Variants in RPTOR observed in about 807,000 individuals in gnomAD.
RPTOR encodes the protein regulatory associated protein of MTOR complex 1, also known as regulatory-associated protein of mTOR.
In RPTOR, 21 loss-of-function variants were observed where a neutral mutation model predicts 169.9. The observed-to-expected ratio is 0.12, with a 90% CI of 0.09 to 0.18. The LOEUF is 0.18. Ranked by LOEUF, RPTOR falls within the 10% of genes least tolerant of loss-of-function variation. RPTOR has a pLI of 1.00. For synonymous variants in RPTOR, 732 were observed against 753.2 expected, an observed-to-expected ratio of 0.97 and a Z score of 0.46; for missense variants, 1,133 against 1,855.9, an observed-to-expected ratio of 0.61 and a Z score of 7.16.
chr17:80,664,081 C>T (rs1461354546), intron 3 of RPTOR, among the ~76,000 whole-genome samples: 1 of 152,066 alleles, frequency 6.6e-6, no homozygotes, highest in East Asian at 1.9e-4. Context: ...TCCAGGGCTG[C>T]GTCTGGGAGG....
At position 80,545,773 on chromosome 17, in the gene RPTOR, C is replaced by T. The variant is rs1488798485; in HGVS notation, c.144C>T (p.Ser48=). Residue 48 remains serine, a synonymous_variant, in exon 1 of 34, where the codon AGC becomes AGT. Coordinates refer to ENST00000306801, the MANE Select transcript of RPTOR (RefSeq NM_020761.3). Reference sequence around the variant, plus strand: ...AAGGCTCCAAATCCTTAGCTCAGAGCTGGAGGATGAAGGATCGGGTAAGTG... The same window carrying T: ...AAGGCTCCAAATCCTTAGCTCAGAGTTGGAGGATGAAGGATCGGGTAAGTG... ...KIEGSKSLAQ[S]WRMKDRMKTV... 6.2e-7 allele frequency: 1 copy of T among 1,611,302 alleles called. No homozygotes were observed. Among genetic ancestry groups the T allele is most frequent in the Non-Finnish European group, 8.5e-7 (1 of 1,178,630 alleles).
rs941079086 is a variant in RPTOR at position 80,823,936 on chromosome 17, C to T, written c.1136+713C>T. ...TCATCAATGGGAGAAACCCTAACAA[C>T]ACAAATATTTTTAAAAGAGCGATTA... On this transcript the variant is annotated intron_variant, in intron 9 of 33. Transcript: ENST00000306801. This position sits in a 1 kb window ranked among gnomAD's most constrained non-coding sequence, Gnocchi z 4.5. Among the ~76,000 whole-genome samples, 1 of 152,178 alleles carries T rather than the reference C, an allele frequency of 6.6e-6. No individual in the cohort carries two copies. Among genetic ancestry groups the T allele is most frequent in the Non-Finnish European group, 1.5e-5 (1 of 68,026 alleles).
chr17:80,552,661 C>A (rs1433588281), intron 1 of RPTOR, among the ~76,000 whole-genome samples: 1 of 152,172 alleles, frequency 6.6e-6, no homozygotes, highest in Non-Finnish European at 1.5e-5. Context: ...CTTTAAGGCT[C>A]AACAGCACCA....
chr17:80,618,677 A>T (rs2065331917), intron 1 of RPTOR, among the ~76,000 whole-genome samples: 1 of 152,244 alleles, frequency 6.6e-6, no homozygotes, highest in South Asian at 2.1e-4. Flanking sequence ...AAAGAGTAGT[A>T]CTTAAATCTA....
At chr17:80,711,895 C>T (rs1014610354) in intron 4 of RPTOR, among the ~76,000 whole-genome samples, 2 of 151,938 alleles carry the variant, frequency 1.3e-5, no homozygotes, top group African/African-American at 2.4e-5. Flanking sequence ...AGGCGCCCGC[C>T]GCCACGCCCG....
At chr17:80,583,180 C>CTTTTTTTTTTT (rs1398903636) in intron 1 of RPTOR, among the ~76,000 whole-genome samples, 1 of 83,750 alleles carries the variant, frequency 1.2e-5, no homozygotes, top group Non-Finnish European at 2.4e-5. Flanking sequence ...TGCCTCTTTC[C>CTTTTTTTTTTT]TGTTTTTTTT....
At chr17:80,577,053 T>C (rs1226630087) in intron 1 of RPTOR, among the ~76,000 whole-genome samples, 1 of 147,300 alleles carries the variant, frequency 6.8e-6, no homozygotes, top group Admixed American at 6.8e-5. Context: ...TTTTTTGAGA[T>C]GAAGCTTCGC....
At chr17:80,847,057 C>T (rs546284973) in intron 11 of RPTOR, among the ~76,000 whole-genome samples, 2 of 152,360 alleles carry the variant, frequency 1.3e-5, no homozygotes, top group South Asian at 4.1e-4. Context: ...GGATACTGAC[C>T]GGCGAAGCGG....
chr17:80,950,308 C>T (rs1436048292), intron 28 of RPTOR, among the ~76,000 whole-genome samples: 3 of 152,198 alleles, frequency 2.0e-5, no homozygotes, highest in Non-Finnish European at 2.9e-5. Context: ...TCTGTGTCTT[C>T]GTCTGTGGCC....
chr17:80,815,620 A>G (rs1432463622), intron 7 of RPTOR, among the ~76,000 whole-genome samples: 1 of 152,262 alleles, frequency 6.6e-6, no homozygotes, highest in Non-Finnish European at 1.5e-5. Context: ...GAGCTGTGAG[A>G]TTGATTTATG....
intron 1 of RPTOR, among the ~76,000 whole-genome samples, chr17:80,612,690 A>T (rs768702557): frequency 3.3e-4 from 51 of 152,272 alleles, no homozygotes; most frequent in Non-Finnish European, 6.3e-4. Context: ...ACATAGCGAG[A>T]TCTTGTCTCT....
At chr17:80,598,819 A>G (rs1381073193) in intron 1 of RPTOR, among the ~76,000 whole-genome samples, 2 of 152,214 alleles carry the variant, frequency 1.3e-5, no homozygotes, top group African/African-American at 4.8e-5. Flanking sequence ...CAGCTTATAC[A>G]TTAACTGTTC....
chr17:80,751,953 C>T (rs1205732589), intron 5 of RPTOR, among the ~76,000 whole-genome samples: 1 of 152,218 alleles, frequency 6.6e-6, no homozygotes, highest in Non-Finnish European at 1.5e-5. Flanking sequence ...GCCCCTACAG[C>T]AGAATGCTTT....
intron 4 of RPTOR, among the ~76,000 whole-genome samples, chr17:80,714,920 G>T (rs1428430536): frequency 6.6e-6 from 1 of 151,978 alleles, no homozygotes; most frequent in Admixed American, 6.6e-5. Flanking sequence ...ATGGGGTTTC[G>T]CCATGTTGGC....
At chr17:80,809,507 A>G (rs573778068) in intron 7 of RPTOR, among the ~76,000 whole-genome samples, 136 of 152,320 alleles carry the variant, frequency 8.9e-4, no homozygotes, top group African/African-American at 3.1e-3. Flanking sequence ...CCGAAGTATA[A>G]CACAATATCA....
intron 9 of RPTOR, among the ~76,000 whole-genome samples, chr17:80,836,972 G>A (rs993181584): frequency 6.6e-6 from 1 of 152,168 alleles, no homozygotes; most frequent in African/African-American, 2.4e-5. Context: ...GTGAGCAGGT[G>A]GCATTGGGCG....
chr17:80,743,887 G>A (rs1241583541), intron 5 of RPTOR, among the ~76,000 whole-genome samples: 1 of 105,036 alleles, frequency 9.5e-6, no homozygotes, highest in Admixed American at 8.4e-5. Flanking sequence ...CTGGCTACTA[G>A]CACTGTCCTG....
At chr17:80,901,000 C>G (rs7208264) in intron 20 of RPTOR, among the ~76,000 whole-genome samples, 110,639 of 152,234 alleles carry the variant, frequency 0.73, 40,617 homozygotes, top group Admixed American at 0.79. Context: ...ACAGAAAGTT[C>G]ACAGCTGTGG....
chr17:80,942,670 G>A (rs1170328733), intron 25 of RPTOR, among the ~76,000 whole-genome samples: 2 of 152,166 alleles, frequency 1.3e-5, no homozygotes, highest in Non-Finnish European at 2.9e-5. Flanking sequence ...GGAAAGATGT[G>A]AGCATTGAGA....
Sources: allele counts gnomAD v4.1 joint callset (sites outside exome capture counted in the v4.1 genomes callset), GRCh38; gene constraint gnomAD v4.1.1; non-coding constraint Gnocchi (gnomAD v3.1); transcripts MANE v1.5; gene names NCBI Gene and HGNC (gene_info 2026-07-23, HGNC 2026-07-21).